The following ACER1 variants were observed in gnomAD, a reference collection of about 807,000 sequenced individuals.
ACER1 encodes alkaline ceramidase 1.
Under a neutral mutation model 24.9 loss-of-function variants are expected in ACER1, and 28 were observed. The observed-to-expected ratio is 1.13, with a 90% CI of 0.83 to 1.54. ACER1 has a LOEUF of 1.54. Ranked by LOEUF, ACER1 falls within the 40% of genes most tolerant of loss-of-function variation. ACER1 has a pLI of 0.00. For synonymous variants in ACER1, 132 were observed against 131.4 expected (o/e 1.00, Z -0.03); for missense variants, 352 against 349.3 (o/e 1.01, Z -0.06).
intron 1 of ACER1, among the ~76,000 whole-genome samples, chr19:6,318,022 C>T (rs1307753043): frequency 1.3e-5 from 2 of 151,896 alleles, no homozygotes; most frequent in African/African-American, 4.8e-5. Context: ...CTAAAAATCT[C>T]CATTTAAAAC....
chr19:6,336,152 C>T (rs926445294), upstream of ACER1, among the ~76,000 whole-genome samples: 6 of 152,042 alleles, frequency 3.9e-5, no homozygotes, highest in African/African-American at 7.2e-5. Flanking sequence ...CCACCTGTCT[C>T]GGCTTCCCAA....
At chr19:6,323,684 G>A (rs1318564727) in intron 1 of ACER1, among the ~76,000 whole-genome samples, 1 of 152,228 alleles carries the variant, frequency 6.6e-6, no homozygotes, top group Non-Finnish European at 1.5e-5. Context: ...ATACAGAGAA[G>A]TATTTTCCTG....
chr19:6,316,312 G>A (rs995602713), intron 1 of ACER1, among the ~76,000 whole-genome samples: 12 of 152,040 alleles, frequency 7.9e-5, no homozygotes, highest in Non-Finnish European at 1.8e-4. Flanking sequence ...ACTGGCATGT[G>A]CCTGTAGTCT....
chr19:6,336,121 G>C (rs1043600186), upstream of ACER1, among the ~76,000 whole-genome samples: 1 of 151,790 alleles, frequency 6.6e-6, no homozygotes, highest in Non-Finnish European at 1.5e-5. Context: ...GGCTAGTCTC[G>C]AACTCGTGAC....
chr19:6,332,117 C>A lies in ACER1; in HGVS notation c.93+1342G>T, dbSNP rs2091690307. Among the ~76,000 whole-genome samples the A allele has an allele frequency of 2.0e-5, 3 of 151,806 alleles. No individual in the cohort carries two copies. The South Asian group carries it at 6.2e-4, about 32-fold the overall frequency. Reference sequence around the variant, plus strand: ...AAGCAGCTGGGATTACAGGTGCCTGCCACCAAACCTGGCTAATTTTTGTAT... The same window carrying A: ...AAGCAGCTGGGATTACAGGTGCCTGACACCAAACCTGGCTAATTTTTGTAT... On this transcript the variant is annotated intron_variant, in intron 1 of 5. Coordinates refer to ENST00000301452, the MANE Select transcript of ACER1 (RefSeq NM_133492.3).
chr19:6,316,232 G>A (rs777436796), intron 1 of ACER1, among the ~76,000 whole-genome samples: 13 of 152,176 alleles, frequency 8.5e-5, no homozygotes, highest in Non-Finnish European at 1.5e-4. Flanking sequence ...ACAAGAGTTC[G>A]CAACCAGCCT....
chr19:6,355,812 C>T, the ACER1 span, among the ~76,000 whole-genome samples: 2 of 147,266 alleles, frequency 1.4e-5, no homozygotes, highest in African/African-American at 2.6e-5. Context: ...GGTTCAGCCC[C>T]CCGCCCGGCC....
intron 1 of ACER1, among the ~76,000 whole-genome samples, chr19:6,318,618 A>G (rs928225868): frequency 1.6e-5 from 2 of 125,518 alleles, no homozygotes; most frequent in Non-Finnish European, 3.2e-5. Context: ...TCTACTAAAA[A>G]TACAAAAAAA....
At chr19:6,329,817 TGCC>T (rs886703840) in intron 1 of ACER1, among the ~76,000 whole-genome samples, 2 of 152,068 alleles carry the variant, frequency 1.3e-5, no homozygotes, top group African/African-American at 4.8e-5. Context: ...GCAATCCTCC[TGCC>T]TTAGCCTACC....
At chr19:6,357,998 G>A in the ACER1 span, among the ~76,000 whole-genome samples, 1 of 152,138 alleles carries the variant, frequency 6.6e-6, no homozygotes, top group Non-Finnish European at 1.5e-5. Flanking sequence ...GCAGGCAGGG[G>A]GTGCAGGGCA....
the ACER1 span, among the ~76,000 whole-genome samples, chr19:6,347,098 C>CAAAAAAAAAA: frequency 6.0e-4 from 49 of 81,954 alleles, 1 homozygote; most frequent in African/African-American, 3.1e-3. Context: ...CCTGTCTCTA[C>CAAAAAAAAAA]AAAAAAAAAA....
chr19:6,313,596 A>G (rs910474712), intron 1 of ACER1, among the ~76,000 whole-genome samples: 2 of 152,190 alleles, frequency 1.3e-5, no homozygotes, highest in African/African-American at 4.8e-5. Context: ...AGTCCTTTCA[A>G]AAACCACGTA....
chr19:6,333,249 C>T (rs974153961), intron 1 of ACER1, among the ~76,000 whole-genome samples: 3 of 152,092 alleles, frequency 2.0e-5, no homozygotes, highest in African/African-American at 7.2e-5. Flanking sequence ...TTCCTGGCCA[C>T]CAATGTGTCT....
the ACER1 span, among the ~76,000 whole-genome samples, chr19:6,343,066 CG>C: frequency 6.6e-6 from 1 of 152,108 alleles, no homozygotes; most frequent in South Asian, 2.1e-4. Context: ...CGTGAGTCAC[CG>C]CACCCAGCCA....
chr19:6,340,783 G>A, the ACER1 span, among the ~76,000 whole-genome samples: 1 of 152,070 alleles, frequency 6.6e-6, no homozygotes, highest in Non-Finnish European at 1.5e-5. Context: ...GTGGGAGCCG[G>A]GGGAGAGCTC....
the ACER1 span, among the ~76,000 whole-genome samples, chr19:6,349,487 G>GGGAC: frequency 7.3e-6 from 1 of 137,208 alleles, no homozygotes; most frequent in Non-Finnish European, 1.5e-5. Context: ...GAAGGAGGGA[G>GGGAC]GGAAGGAAGG....
intron 1 of ACER1, among the ~76,000 whole-genome samples, chr19:6,313,630 T>C (rs2091591362): frequency 6.6e-6 from 1 of 152,338 alleles, no homozygotes; most frequent in South Asian, 2.1e-4. Flanking sequence ...CCCTTTCCTC[T>C]TCCTGTGGGC....
chr19:6,319,925 G>C (rs371352769), intron 1 of ACER1, among the ~76,000 whole-genome samples: 35 of 151,974 alleles, frequency 2.3e-4, no homozygotes, highest in African/African-American at 8.4e-4. Context: ...CAGCCTGGCC[G>C]ACATGGAGAA....
upstream of ACER1, among the ~76,000 whole-genome samples, chr19:6,335,606 G>A (rs1301327599): frequency 3.9e-5 from 6 of 151,910 alleles, no homozygotes; most frequent in Admixed American, 3.9e-4. Flanking sequence ...CAAGGCGGGA[G>A]GATCACAAGG....
Sources: allele counts gnomAD v4.1 joint callset (sites outside exome capture counted in the v4.1 genomes callset), GRCh38; gene constraint gnomAD v4.1.1; transcripts MANE v1.5; gene names NCBI Gene and HGNC (gene_info 2026-07-23, HGNC 2026-07-21).